The following RNF139 variants were observed in gnomAD, a reference collection of about 807,000 sequenced individuals.
The protein encoded by RNF139 is E3 ubiquitin-protein ligase RNF139.
RNF139 carries 15 observed loss-of-function variants against 49.5 expected under a neutral mutation model. The ratio of observed to expected loss-of-function variants is 0.30; its 90% CI spans 0.20 to 0.47. The LOEUF is 0.47. RNF139 is among the 20% of genes least tolerant of loss of function. The pLI, the probability that RNF139 is intolerant of heterozygous loss-of-function variation, is 1.00. For missense variants in RNF139, 619 were observed against 806.3 expected, an observed-to-expected ratio of 0.77 and a Z score of 2.81; for synonymous variants, 325 against 300.9, an observed-to-expected ratio of 1.08 and a Z score of -0.83.
chr8:124,483,094 TAA>T (rs1226077787), intron 1 of RNF139, among the ~76,000 whole-genome samples: 2 of 86,438 alleles, frequency 2.3e-5, no homozygotes, highest in Non-Finnish European at 4.2e-5. Context: ...TATATATATT[TAA>T]AAATATATAT....
In RNF139 at chr8:124,477,676, C is replaced by T. The variant is rs531820884; in HGVS notation, c.181+2386C>T. ...TGGAGATCCAAATAAAATTCTATGA[C>T]AATATATGGAATATTGAAGAACATA... On this transcript the variant is annotated intron_variant, in intron 1 of 1. Coordinates refer to ENST00000303545, the MANE Select transcript of RNF139 (RefSeq NM_007218.4). Among the ~76,000 whole-genome samples, 289 of 152,162 alleles carry T rather than the reference C, an allele frequency of 1.9e-3. 2 individuals carry two copies. The highest frequency in any genetic ancestry group is 3.5e-3 in the South Asian group (17 of 4,822).
rs755234543 is a variant in RNF139, at chr8:124,487,500, T to C, written c.1851T>C (p.Ala617=). The change falls in exon 2 of 2, where the codon GCT becomes GCC. Residue 617 remains alanine, a synonymous_variant. Coordinates refer to ENST00000303545, the MANE Select transcript of RNF139 (RefSeq NM_007218.4). ...CACCCAATGAAACTCCAGAGGAAGC[T>C]GTAAGAGAAGCTGCTGCTGAATCTG... ...FIPPNETPEE[A]VREAAAESDR... 1.1e-5 allele frequency: 17 copies of C among 1,614,094 alleles called. No individual in the cohort carries two copies. In the South Asian group the frequency reaches 1.9e-4, roughly 18 times the overall value.
At chr8:124,477,080 ATC>A (rs1220229092) in intron 1 of RNF139, among the ~76,000 whole-genome samples, 2 of 152,310 alleles carry the variant, frequency 1.3e-5, no homozygotes, top group Non-Finnish European at 2.9e-5. Flanking sequence ...AAGACAATAA[ATC>A]TATTTTAATG....
Position 124,475,230 on chromosome 8 carries a change from T to A in RNF139, c.121T>A (p.Tyr41Asn). The change falls in exon 1 of 2, where the codon TAC becomes AAC. Residue 41 changes from tyrosine to asparagine, a missense_variant. Tyr to Asn is a moderately radical substitution (Grantham distance 143). Transcript: ENST00000303545. ...CATCATCGACGCCATCTTCAACTCC[T>A]ACCCGGATTCCAGCCAAAGCCGGTT... The part of the protein sequence containing the change: ...LYIIDAIFNS[Y>N]PDSSQSRFCI... 6.2e-7 allele frequency: 1 copy of A among 1,607,056 alleles called. No individual in the cohort carries two copies. The highest frequency in any genetic ancestry group is 8.5e-7 in the Non-Finnish European group (1 of 1,175,594).
intron 1 of RNF139, among the ~76,000 whole-genome samples, chr8:124,480,802 T>C (rs1043349065): frequency 6.6e-6 from 1 of 152,186 alleles, no homozygotes; most frequent in Non-Finnish European, 1.5e-5. Context: ...CCTGAAGCTA[T>C]CTAGGGGCCC....
chr8:124,483,224 C>G (rs1412551381), intron 1 of RNF139: 1 of 137,042 alleles, frequency 7.3e-6, no homozygotes, highest in Non-Finnish European at 1.6e-5. Context: ...TATATGTCTT[C>G]TACTTTATTG....
At chr8:124,482,175 G>A (rs1294190806) in intron 1 of RNF139, among the ~76,000 whole-genome samples, 1 of 152,004 alleles carries the variant, frequency 6.6e-6, no homozygotes, top group Non-Finnish European at 1.5e-5. Flanking sequence ...TCTATCTGAT[G>A]CCTTCCCCTT....
chr8:124,482,043 T>G (rs571284835), intron 1 of RNF139, among the ~76,000 whole-genome samples: 3 of 152,230 alleles, frequency 2.0e-5, no homozygotes, highest in Admixed American at 2.0e-4. Context: ...ATACTATTCT[T>G]GAAATGTTAA....
intron 1 of RNF139, among the ~76,000 whole-genome samples, chr8:124,482,939 A>ATATATATATATATATATAT (rs1563630936): frequency 1.1e-5 from 1 of 89,562 alleles, no homozygotes; most frequent in Non-Finnish European, 2.4e-5. Flanking sequence ...AAAATATAAA[A>ATATATATATATATATATAT]AAAAATATAT....
intron 1 of RNF139, among the ~76,000 whole-genome samples, chr8:124,480,928 G>A (rs77185225): frequency 6.6e-6 from 1 of 152,102 alleles, no homozygotes; most frequent in African/African-American, 2.4e-5. Context: ...TTTTTTTTAT[G>A]ATATCACAGA....
At position 124,486,675 on chromosome 8, in the gene RNF139, G is replaced by A. The variant is rs111736699; in HGVS notation, c.1026G>A (p.Gly342=). The A allele has an allele frequency of 3.7e-6, 6 of 1,613,968 alleles. No individual in the cohort carries two copies. In the African/African-American group the frequency reaches 5.3e-5, roughly 14 times the overall value. ...FILALQTGLS[G]LRPEERLIRL... ...TGGCTCTTCAGACTGGGTTAAGTGG[G>A]CTAAGACCAGAAGAGAGACTTATTC... Residue 342 remains glycine, a synonymous_variant, in exon 2 of 2, where the codon GGG becomes GGA. Transcript: ENST00000303545.
chr8:124,487,668 T>A lies in RNF139; in HGVS notation c.*24T>A. The A allele has an allele frequency of 6.4e-7, 1 of 1,562,242 alleles. No homozygotes were observed. Among genetic ancestry groups the A allele is most frequent in the Non-Finnish European group, 8.6e-7 (1 of 1,156,186 alleles). On this transcript the variant is annotated 3_prime_UTR_variant, in exon 2 of 2. Transcript: ENST00000303545. Reference sequence around the variant, plus strand: ...GATGAAAATAGCATTTATTAATGATTGAGGTATTTGTTTAAAATTCAGTTC... The same window carrying A: ...GATGAAAATAGCATTTATTAATGATAGAGGTATTTGTTTAAAATTCAGTTC...
Position 124,487,490 on chromosome 8 carries a change from C to T in RNF139, c.1841C>T (p.Pro614Leu), listed in dbSNP as rs1259822935. The T allele has an allele frequency of 4.3e-6, 7 of 1,613,980 alleles. No individual in the cohort carries two copies. The East Asian group carries it at 1.3e-4, about 31-fold the overall frequency. ...GGATTTATTCCACCCAATGAAACTC[C>T]AGAGGAAGCTGTAAGAGAAGCTGCT... ...NNGFIPPNET[P>L]EEAVREAAAE... Residue 614 changes from proline to leucine, a missense_variant, in exon 2 of 2, where the codon CCA (proline) becomes CTA (leucine). Physicochemically the swap from Pro to Leu is moderately conservative, Grantham distance 98. Coordinates refer to ENST00000303545, the MANE Select transcript of RNF139 (RefSeq NM_007218.4).
intron 1 of RNF139, among the ~76,000 whole-genome samples, chr8:124,480,751 C>T (rs945140729): frequency 6.6e-6 from 1 of 152,106 alleles, no homozygotes; most frequent in Non-Finnish European, 1.5e-5. Context: ...AGTTATAACC[C>T]TTAATCACTG....
chr8:124,483,688 C>T (rs1050543103), intron 1 of RNF139, among the ~76,000 whole-genome samples: 1 of 152,028 alleles, frequency 6.6e-6, no homozygotes, highest in African/African-American at 2.4e-5. Flanking sequence ...CCTCAGCCTC[C>T]CAAAGTGCTG....
In RNF139 at chr8:124,487,079, T is replaced by C; in HGVS notation, c.1430T>C (p.Val477Ala). The change falls in exon 2 of 2, where the codon GTT (valine) becomes GCT (alanine). Residue 477 changes from valine to alanine, a missense_variant. Physicochemically the swap from Val to Ala is moderately conservative, Grantham distance 64 (BLOSUM62 0). Around this residue, in one of 2 missense-constraint regions of RNF139, gnomAD observed 530 missense variants for 728.9 expected, o/e 0.73. Transcript: ENST00000303545. ...TGSIIEFIFG[V>A]VMFGNGAYTM... ...AGTATTATTGAATTTATATTTGGAG[T>C]TGTAATGTTTGGAAATGGGGCTTAC... The C allele has an allele frequency of 1.2e-6, 2 of 1,613,904 alleles. No homozygotes were observed.
chr8:124,485,588 ACT>A (rs1816514318), intron 1 of RNF139, among the ~76,000 whole-genome samples: 1 of 152,204 alleles, frequency 6.6e-6, no homozygotes, highest in Non-Finnish European at 1.5e-5. Context: ...TACTTGAAAT[ACT>A]TTGGAAATTA....
In RNF139 at chr8:124,487,509, A is replaced by AGCT; in HGVS notation, c.1868_1870dup (p.Ala623dup). The AGCT allele has an allele frequency of 6.2e-7, 1 of 1,614,156 alleles. No individual in the cohort carries two copies. The highest frequency in any genetic ancestry group is 1.1e-5 in the South Asian group (1 of 91,082). Reference sequence around the variant, plus strand: ...AAACTCCAGAGGAAGCTGTAAGAGAAGCTGCTGCTGAATCTGACAGGGAAT... The same window carrying AGCT: ...AAACTCCAGAGGAAGCTGTAAGAGAAGCTGCTGCTGCTGAATCTGACAGGGAAT... On this transcript the variant is annotated inframe_insertion, in exon 2 of 2. Coordinates refer to ENST00000303545, the MANE Select transcript of RNF139 (RefSeq NM_007218.4).
chr8:124,478,384 A>C (rs1816346537), intron 1 of RNF139, among the ~76,000 whole-genome samples: 2 of 152,086 alleles, frequency 1.3e-5, no homozygotes, highest in Non-Finnish European at 1.5e-5. Flanking sequence ...TGGGAGGCTG[A>C]GGCAGGCAGA....
Sources: gnomAD v4.1 joint callset for allele counts (sites outside exome capture counted in the v4.1 genomes callset) on GRCh38, gnomAD v4.1.1 for gene constraint, gnomAD v4.1.1 regional missense constraint, MANE v1.5 for transcripts, NCBI Gene and HGNC (gene_info 2026-07-23, HGNC 2026-07-21) for gene names.